Variants in LLGL2 observed in about 807,000 individuals in gnomAD.
LLGL2 encodes the protein LLGL scribble cell polarity complex component 2.
A neutral mutation model predicts 123.2 loss-of-function variants in LLGL2; 81 were observed. The observed-to-expected ratio is 0.66, with a 90% CI of 0.55 to 0.79. LLGL2 has a LOEUF of 0.79. Among genes scored for constraint, LLGL2 ranks in the 30% least tolerant of loss-of-function variants. The pLI is 0.00. For synonymous variants in LLGL2, 577 were observed against 594.1 expected (o/e 0.97, Z 0.42); for missense variants, 1,273 against 1,414.6 (o/e 0.90, Z 1.61).
rs911275631 is a variant in LLGL2, at chr17:75,558,447, C to T, written c.256-65C>T. ...CTTTTAAACAACTGGGGCTGCGTGG[C>T]CCCAGTGTGTAAAGGCCTTGCCTGG... On this transcript the variant is annotated intron_variant, in intron 4 of 25. Transcript: ENST00000392550. This position sits in a 1 kb window ranked among gnomAD's most constrained non-coding sequence, Gnocchi z 4.0. The T allele has an allele frequency of 8.0e-6, 11 of 1,382,570 alleles. No individual in the cohort carries two copies. The highest frequency in any genetic ancestry group is 1.1e-5 in the Non-Finnish European group (11 of 1,001,626). 85.6% of individuals were successfully genotyped at this position (1,382,570 alleles called of 1,614,324 possible).
intron 17 of LLGL2, chr17:75,571,440 T>C: frequency 3.4e-6 from 2 of 589,982 alleles, no homozygotes; most frequent in Non-Finnish European, 6.0e-6. Context: ...CAGCAGAGCC[T>C]GCTGGTCTCC....
chr17:75,556,160 C>G lies in LLGL2; in HGVS notation c.173+17C>G, dbSNP rs911943346. On this transcript the variant is annotated intron_variant, in intron 3 of 25. Coordinates refer to ENST00000392550, the MANE Select transcript of LLGL2 (RefSeq NM_001031803.2). ...CATCAAGCTGTATCCTCCGTCCCCT[C>G]GCTCCCACTCGGGCAGGGCCTTGGG... is the stretch of plus-strand genomic sequence containing the variant. The G allele has an allele frequency of 6.3e-7, 1 of 1,592,450 alleles. No individual in the cohort carries two copies. The highest frequency in any genetic ancestry group is 8.6e-7 in the Non-Finnish European group (1 of 1,165,932).
At chr17:75,562,566 A>G (rs1175185205) in intron 6 of LLGL2, 2 of 191,516 alleles carry the variant, frequency 1.0e-5, no homozygotes, top group Non-Finnish European at 2.2e-5. Context: ...TGTCCTAGCC[A>G]TCTTTCTTTC....
chr17:75,548,129 A>G (rs2054506507), intron 2 of LLGL2, among the ~76,000 whole-genome samples: 1 of 152,166 alleles, frequency 6.6e-6, no homozygotes, highest in African/African-American at 2.4e-5. Context: ...GGTAAGTATA[A>G]TGCAAATATT....
At chr17:75,568,212 A>G (rs1164264899) in intron 10 of LLGL2, 2 of 1,391,706 alleles carry the variant, frequency 1.4e-6, no homozygotes, top group South Asian at 3.3e-5. Flanking sequence ...TGGGGTGCCT[A>G]TCCTGGTTGG....
At chr17:75,525,002 G>A (rs2053499981), upstream of LLGL2, 5 of 159,250 alleles carry the variant, frequency 3.1e-5, no homozygotes, top group South Asian at 7.0e-4. This position sits in a 1 kb window ranked among gnomAD's most constrained non-coding sequence, Gnocchi z 4.8. Flanking sequence ...CCTTCCCTGG[G>A]CGCAGCGGGG....
intron 1 of LLGL2, among the ~76,000 whole-genome samples, chr17:75,539,608 C>CTT (rs540477851): frequency 5.9e-5 from 8 of 134,564 alleles, no homozygotes; most frequent in East Asian, 2.2e-4. Flanking sequence ...TTTCTGGTTA[C>CTT]TTTTTTTTTT....
intron 1 of LLGL2, among the ~76,000 whole-genome samples, chr17:75,536,898 G>T (rs2054022604): frequency 6.6e-6 from 1 of 152,042 alleles, no homozygotes; most frequent in Non-Finnish European, 1.5e-5. Context: ...CGCTATCTGG[G>T]CTCACTGCAA....
In LLGL2 at chr17:75,570,950, G is replaced by A. The variant is rs774060132; in HGVS notation, c.2026G>A (p.Ala676Thr). The change falls in exon 17 of 26, where the codon GCA becomes ACA. Residue 676 changes from alanine to threonine, a missense_variant and splice_region_variant. By Grantham distance (58) the Ala-to-Thr change is moderately conservative (BLOSUM62 0). Transcript: ENST00000392550. ...CCTTAGGCTGGCCCACCCCTTGCAG[G>A]CACAGGAGGGGAGTGCCAAGGCTGA... ...KRHPAGPPGE[A>T]QEGSAKAERP... The A allele has an allele frequency of 1.2e-6, 2 of 1,606,096 alleles. No individual in the cohort carries two copies. The highest frequency in any genetic ancestry group is 1.1e-5 in the South Asian group (1 of 90,200).
chr17:75,556,171 G>A (rs1335210074), intron 3 of LLGL2, 28 bp downstream of exon 3: 6 of 1,564,994 alleles, frequency 3.8e-6, no homozygotes, highest in South Asian at 2.2e-5. Flanking sequence ...GCTCCCACTC[G>A]GGCAGGGCCT....
rs768710079 is a variant in LLGL2 at position 75,574,703 on chromosome 17, G to C, written c.3055+35G>C. ...CTGGGCTTGAGTGCAGCTGCCAACCGTGCTGGGAAGGGCTGGGAGGAAGAG... is the reference window on the plus strand; with the variant it reads ...CTGGGCTTGAGTGCAGCTGCCAACCCTGCTGGGAAGGGCTGGGAGGAAGAG... On this transcript the variant is annotated intron_variant, in intron 25 of 25. Coordinates refer to ENST00000392550, the MANE Select transcript of LLGL2 (RefSeq NM_001031803.2). The C allele has an allele frequency of 1.2e-5, 19 of 1,605,734 alleles. No homozygotes were observed. The South Asian group carries it at 2.0e-4, about 17-fold the overall frequency.
chr17:75,573,734 C>T lies in LLGL2; in HGVS notation c.2876+103C>T, dbSNP rs537888835. ...CTGCCTGGCTGGAGGCACCTCCCCACGAGCTCAGCCCACCCTCCCAGGCTC... is the reference window on the plus strand; with the variant it reads ...CTGCCTGGCTGGAGGCACCTCCCCATGAGCTCAGCCCACCCTCCCAGGCTC... On this transcript the variant is annotated intron_variant, in intron 21 of 25. Coordinates refer to ENST00000392550, the MANE Select transcript of LLGL2 (RefSeq NM_001031803.2). 5.9e-5 allele frequency: 78 copies of T among 1,317,900 alleles called. 1 individual carries two copies. In the South Asian group the frequency reaches 7.8e-4, roughly 13 times the overall value. 81.6% of individuals were successfully genotyped at this position (1,317,900 alleles called of 1,614,324 possible).
At chr17:75,550,570 A>C (rs1385301449) in intron 2 of LLGL2, among the ~76,000 whole-genome samples, 1 of 152,090 alleles carries the variant, frequency 6.6e-6, no homozygotes, top group Non-Finnish European at 1.5e-5. Flanking sequence ...GGATCACTTG[A>C]GTCCAGGAGT....
Position 75,571,647 on chromosome 17 carries a change from C to A in LLGL2, c.2177-20C>A. ...ACTCCCACGCTAAGGGTCAGACACC[C>A]AAACATGGCTTCTCGGCAGGCTCCC... On this transcript the variant is annotated intron_variant, in intron 17 of 25. Transcript: ENST00000392550. 1 of 1,586,586 alleles carries A rather than the reference C, an allele frequency of 6.3e-7. No homozygotes were observed. Among genetic ancestry groups the A allele is most frequent in the South Asian group, 1.1e-5 (1 of 90,548 alleles).
chr17:75,544,281 A>C lies in LLGL2; in HGVS notation c.75+780A>C, dbSNP rs771508231. On this transcript the variant is annotated intron_variant, in intron 2 of 25. Coordinates refer to ENST00000392550, the MANE Select transcript of LLGL2 (RefSeq NM_001031803.2). This position sits in a 1 kb window ranked among gnomAD's most constrained non-coding sequence, Gnocchi z 4.2. ...GGGAAGGTGGGCTGCAGGAACTGGGACACTGTGATCCTCTTCCCCCGGGGA... is the reference window on the plus strand; with the variant it reads ...GGGAAGGTGGGCTGCAGGAACTGGGCCACTGTGATCCTCTTCCCCCGGGGA... Among the ~76,000 whole-genome samples, 62 of 152,152 alleles carry C rather than the reference A, an allele frequency of 4.1e-4. No individual in the cohort carries two copies. The highest frequency in any genetic ancestry group is 8.1e-4 in the Non-Finnish European group (55 of 68,038).
In LLGL2 at chr17:75,559,192, G is replaced by C. The variant is rs934277097; in HGVS notation, c.372-60G>C. ...GTTTTCCGAGGAGTCAGGGGACCCCGTCCATGGCATCTCCCCTGCTGGGCA... is the reference window on the plus strand; with the variant it reads ...GTTTTCCGAGGAGTCAGGGGACCCCCTCCATGGCATCTCCCCTGCTGGGCA... On this transcript the variant is annotated intron_variant, in intron 5 of 25. Coordinates refer to ENST00000392550, the MANE Select transcript of LLGL2 (RefSeq NM_001031803.2). The surrounding 1 kb of genome is among the most constrained non-coding windows in gnomAD (Gnocchi z 4.6). The C allele has an allele frequency of 1.3e-6, 2 of 1,499,668 alleles. No individual in the cohort carries two copies. The highest frequency in any genetic ancestry group is 1.8e-6 in the Non-Finnish European group (2 of 1,125,196). 92.9% of individuals were successfully genotyped at this position (1,499,668 alleles called of 1,614,324 possible).
intron 2 of LLGL2, 78 bp downstream of exon 2, chr17:75,543,579 C>T: frequency 8.4e-7 from 1 of 1,192,140 alleles, no homozygotes; most frequent in Non-Finnish European, 1.2e-6. Context: ...GCACCTCTTA[C>T]CTGGATTAAG....
At chr17:75,527,619 T>TCC (rs1358100647) in intron 1 of LLGL2, among the ~76,000 whole-genome samples, 1 of 152,080 alleles carries the variant, frequency 6.6e-6, no homozygotes, top group Non-Finnish European at 1.5e-5. Context: ...AAATTCTTTT[T>TCC]TTCTTTAATA....
Position 75,532,077 on chromosome 17 carries a change from CTTT to C in LLGL2, c.-31+6271_-31+6273del, listed in dbSNP as rs1555648013. On this transcript the variant is annotated intron_variant, in intron 1 of 25. Transcript: ENST00000392550. ...ATATACACACACACACACACACACA[CTTT>C]TTTTTTTTTTTTTTTTTTGAGACGG... 6.9e-3 allele frequency among the ~76,000 whole-genome samples: 579 copies of C among 83,940 alleles called. 3 individuals are homozygous for C. Among genetic ancestry groups the C allele is most frequent in the Non-Finnish European group, 0.01 (392 of 38,006 alleles). 55.1% of individuals were successfully genotyped at this position (83,940 alleles called of 152,430 possible). A position where few individuals can be genotyped will look rare whatever the true frequency, so the allele number is the denominator to read the frequency against.
Sources: gnomAD v4.1 joint callset for allele counts (sites outside exome capture counted in the v4.1 genomes callset) on GRCh38, gnomAD v4.1.1 for gene constraint, Gnocchi (gnomAD v3.1) non-coding constraint, MANE v1.5 for transcripts, NCBI Gene and HGNC (gene_info 2026-07-23, HGNC 2026-07-21) for gene names.